ALMS1: variants seen among roughly 807,000 people sequenced by gnomAD.
ALMS1 encodes the protein ALMS1 centrosome and basal body associated protein.
A neutral mutation model predicts 352.2 loss-of-function variants in ALMS1; 271 were observed. That is an observed-to-expected ratio of 0.77 (90% CI 0.70 to 0.85). ALMS1 has a LOEUF of 0.85. ALMS1 is among the 40% of genes least tolerant of loss of function. ALMS1 has a pLI of 0.00. For missense variants in ALMS1, 5,445 were observed against 4,870.7 expected (o/e 1.12, Z -3.51); for synonymous variants, 1,865 against 1,761.2 (o/e 1.06, Z -1.48).
At chr2:73,414,751 G>A (rs1028486852) in intron 2 of ALMS1, among the ~76,000 whole-genome samples, 9 of 151,648 alleles carry the variant, frequency 5.9e-5, no homozygotes, top group African/African-American at 2.2e-4. Context: ...TTCTCTCTCA[G>A]TATCCTTTGC....
At chr2:73,560,134 T>C (rs1674626597) in intron 15 of ALMS1, among the ~76,000 whole-genome samples, 1 of 152,178 alleles carries the variant, frequency 6.6e-6, no homozygotes, top group South Asian at 2.1e-4. Flanking sequence ...ATGGATCTGA[T>C]AAGGGATTAG....
intron 22 of ALMS1, 143 bp from the exon 23 acceptor site, chr2:73,609,425 A>G: frequency 1.3e-6 from 1 of 776,440 alleles, no homozygotes; most frequent in Non-Finnish European, 2.3e-6. Context: ...TGACGACCAT[A>G]GTTTCTGAAG....
chr2:73,468,923 C>G (rs909656684), intron 9 of ALMS1, among the ~76,000 whole-genome samples: 2 of 151,864 alleles, frequency 1.3e-5, no homozygotes, highest in South Asian at 2.1e-4. Context: ...GTCCTCTACC[C>G]CACAGAAATG....
intron 6 of ALMS1, among the ~76,000 whole-genome samples, chr2:73,427,435 T>TTG (rs140145613): frequency 6.6e-6 from 1 of 151,752 alleles, no homozygotes; most frequent in African/African-American, 2.4e-5. Flanking sequence ...ATTATTACCA[T>TTG]TGTGTGTGTG....
intron 21 of ALMS1, among the ~76,000 whole-genome samples, chr2:73,604,377 AAC>A (rs1675769553): frequency 6.6e-6 from 1 of 152,218 alleles, no homozygotes; most frequent in Non-Finnish European, 1.5e-5. Flanking sequence ...CGGCCTGGGT[AAC>A]AGACTGAAAC....
chr2:73,465,781 C>G (rs1672326120), intron 9 of ALMS1, among the ~76,000 whole-genome samples: 1 of 151,852 alleles, frequency 6.6e-6, no homozygotes, highest in Non-Finnish European at 1.5e-5. Context: ...TGAACTCAAA[C>G]AAATTTACAA....
rs767343226 is a variant in ALMS1, at chr2:73,572,415, A to T, written c.10538A>T (p.Asp3513Val). 2.5e-6 allele frequency: 4 copies of T among 1,611,218 alleles called. No homozygotes were observed. The Admixed American group carries it at 6.7e-5, about 27-fold the overall frequency. ...KSVFMRHSWK[D>V]FFQHHPDKHR... ...GTTTTCATGAGACATTCTTGGAAAG[A>T]TTTCTTTCAGCATCATCCAGACAAA... The change falls in exon 16 of 23, where the codon GAT becomes GTT. Residue 3513 changes from aspartate to valine, a missense_variant. Asp to Val is a radical substitution (Grantham distance 152). Coordinates refer to ENST00000613296, the MANE Select transcript of ALMS1 (RefSeq NM_001378454.1).
chr2:73,573,267 A>G lies in ALMS1; in HGVS notation c.11390A>G (p.Glu3797Gly), dbSNP rs1295385112. The G allele has an allele frequency of 6.2e-7, 1 of 1,613,968 alleles. No individual in the cohort carries two copies. The highest frequency in any genetic ancestry group is 2.2e-5 in the East Asian group (1 of 44,876). ...CGGCTGATTCAAGCTTTTGGCCATG[A>G]AAGAGTATGCTTGTCACCCAGACGA... Reference protein sequence around the residue: ...TARLIQAFGHERVCLSPRRIK... With the variant: ...TARLIQAFGHGRVCLSPRRIK... Residue 3797 changes from glutamate to glycine, a missense_variant, in exon 16 of 23, where the codon GAA (glutamate) becomes GGA (glycine). Physicochemically the swap from Glu to Gly is moderately conservative, Grantham distance 98 (BLOSUM62 -2). Transcript: ENST00000613296.
chr2:73,479,646 C>T (rs1672653976), intron 9 of ALMS1, among the ~76,000 whole-genome samples: 1 of 152,110 alleles, frequency 6.6e-6, no homozygotes, highest in African/African-American at 2.4e-5. Flanking sequence ...GGTTGTTTCC[C>T]AGTTTTTGGC....
intron 1 of ALMS1, among the ~76,000 whole-genome samples, chr2:73,404,739 T>G (rs1670939229): frequency 6.6e-6 from 1 of 152,028 alleles, no homozygotes; most frequent in South Asian, 2.1e-4. Context: ...AGTCTTCTAA[T>G]GTCTTTGTCT....
chr2:73,552,965 T>A (rs2104044058), intron 13 of ALMS1, among the ~76,000 whole-genome samples: 1 of 152,132 alleles, frequency 6.6e-6, no homozygotes, highest in African/African-American at 2.4e-5. Flanking sequence ...AGGTATTCTG[T>A]AAAGACAATA....
chr2:73,485,009 C>G (rs1672796997), intron 9 of ALMS1, among the ~76,000 whole-genome samples: 1 of 152,110 alleles, frequency 6.6e-6, no homozygotes, highest in Non-Finnish European at 1.5e-5. Flanking sequence ...ACTTCTTTGC[C>G]TTTGGTTTGA....
chr2:73,557,746 T>C (rs545645717), intron 14 of ALMS1, among the ~76,000 whole-genome samples: 2 of 152,360 alleles, frequency 1.3e-5, no homozygotes, highest in East Asian at 3.9e-4. Context: ...TTCCTACCTA[T>C]CAGTTACTTT....
At chr2:73,389,914 T>G (rs1417014708) in intron 1 of ALMS1, among the ~76,000 whole-genome samples, 1 of 152,136 alleles carries the variant, frequency 6.6e-6, no homozygotes, top group Admixed American at 6.5e-5. Context: ...GGTCTTGAAC[T>G]CCTGACCTGT....
At chr2:73,553,833 G>T (rs1674488232) in intron 13 of ALMS1, among the ~76,000 whole-genome samples, 1 of 152,086 alleles carries the variant, frequency 6.6e-6, no homozygotes, top group Non-Finnish European at 1.5e-5. Flanking sequence ...ATAGATCTTA[G>T]TATATAGTAT....
At chr2:73,464,605 G>T (rs1672287840) in intron 9 of ALMS1, among the ~76,000 whole-genome samples, 1 of 152,150 alleles carries the variant, frequency 6.6e-6, no homozygotes, top group Non-Finnish European at 1.5e-5. Context: ...GGGCAGTTAG[G>T]CAGGAGAAGG....
At chr2:73,508,271 C>A (rs1266742785) in intron 10 of ALMS1, among the ~76,000 whole-genome samples, 1 of 144,756 alleles carries the variant, frequency 6.9e-6, no homozygotes, top group Non-Finnish European at 1.5e-5. Context: ...GGCGCGATCT[C>A]GGCTTACTGC....
intron 9 of ALMS1, among the ~76,000 whole-genome samples, chr2:73,473,946 GAA>G (rs1672523151): frequency 7.0e-6 from 1 of 142,700 alleles, no homozygotes; most frequent in Non-Finnish European, 1.6e-5. Flanking sequence ...GAGAGAGAGA[GAA>G]AGGGGCGGTA....
chr2:73,485,976 C>G (rs535849595), intron 9 of ALMS1, among the ~76,000 whole-genome samples: 1 of 152,138 alleles, frequency 6.6e-6, no homozygotes, highest in East Asian at 2.0e-4. Flanking sequence ...CACTGTCTGG[C>G]ACTCCCTAGT....
Sources: allele counts gnomAD v4.1 joint callset (sites outside exome capture counted in the v4.1 genomes callset), GRCh38; gene constraint gnomAD v4.1.1; transcripts MANE v1.5; gene names NCBI Gene and HGNC (gene_info 2026-07-23, HGNC 2026-07-21).